The following CSGALNACT1 variants were observed in gnomAD, a reference collection of about 807,000 sequenced individuals.
CSGALNACT1 encodes beta4GalNAcT-1.
In CSGALNACT1, 52 loss-of-function variants were observed where a neutral mutation model predicts 51.0. The observed-to-expected ratio is 1.02, with a 90% CI of 0.82 to 1.29. The LOEUF (loss-of-function observed/expected upper bound fraction) is 1.29. CSGALNACT1 is among the 50% of genes most tolerant of loss of function. The probability of loss-of-function intolerance (pLI) is 0.00; values close to 1 mark genes in which losing one functional copy is unlikely to be tolerated. For synonymous variants in CSGALNACT1, 341 were observed against 254.4 expected (o/e 1.34, Z -3.24); for missense variants, 935 against 679.2 (o/e 1.38, Z -4.19).
chr8:19,734,739 T>C (rs1312904840), intron 1 of CSGALNACT1, among the ~76,000 whole-genome samples: 1 of 152,092 alleles, frequency 6.6e-6, no homozygotes, highest in Non-Finnish European at 1.5e-5. Flanking sequence ...TTGCCAGTAA[T>C]ATGGCAGACC....
intron 3 of CSGALNACT1, among the ~76,000 whole-genome samples, chr8:19,536,871 C>T (rs908873170): frequency 6.6e-6 from 1 of 152,228 alleles, no homozygotes; most frequent in Non-Finnish European, 1.5e-5. Flanking sequence ...CTACGTCCAA[C>T]TGCTTTTTCA....
At chr8:19,623,525 C>A (rs185555509) in intron 1 of CSGALNACT1, among the ~76,000 whole-genome samples, 1 of 152,172 alleles carries the variant, frequency 6.6e-6, no homozygotes, top group East Asian at 1.9e-4. Flanking sequence ...TATCCACCAA[C>A]TGTAGAATGT....
intron 3 of CSGALNACT1, among the ~76,000 whole-genome samples, chr8:19,533,324 G>C (rs532199485): frequency 6.6e-6 from 1 of 152,016 alleles, no homozygotes; most frequent in Non-Finnish European, 1.5e-5. Flanking sequence ...GTCTTGCTAT[G>C]TTGCCCAGGC....
upstream of CSGALNACT1, among the ~76,000 whole-genome samples, chr8:19,606,927 G>A (rs1425293264): frequency 4.6e-5 from 7 of 152,074 alleles, no homozygotes; most frequent in East Asian, 1.9e-4. Context: ...AGGCGGAGAC[G>A]GGTGGATCAC....
chr8:19,675,639 C>T (rs1339452881), intron 1 of CSGALNACT1, among the ~76,000 whole-genome samples: 7 of 152,110 alleles, frequency 4.6e-5, no homozygotes, highest in Middle Eastern at 3.2e-3. Context: ...ATTACAGGCA[C>T]GTGCCACCAC....
chr8:19,679,548 G>C (rs142439338), intron 1 of CSGALNACT1, among the ~76,000 whole-genome samples: 1 of 152,144 alleles, frequency 6.6e-6, no homozygotes, highest in Non-Finnish European at 1.5e-5. Context: ...AGGTACTGAC[G>C]CAGGATGCTG....
At chr8:19,435,745 A>C (rs574164023) in intron 6 of CSGALNACT1, among the ~76,000 whole-genome samples, 1 of 152,336 alleles carries the variant, frequency 6.6e-6, no homozygotes, top group South Asian at 2.1e-4. Flanking sequence ...ATCTGAGATT[A>C]ACTGAAGCTT....
At chr8:19,545,541 T>C (rs2086264569) in intron 3 of CSGALNACT1, among the ~76,000 whole-genome samples, 1 of 152,134 alleles carries the variant, frequency 6.6e-6, no homozygotes, top group Non-Finnish European at 1.5e-5. Flanking sequence ...AAAGACTCTG[T>C]CTTACATTTT....
At chr8:19,688,895 C>T (rs1019318859) in intron 1 of CSGALNACT1, 3 of 152,284 alleles carry the variant, frequency 2.0e-5, no homozygotes, top group African/African-American at 7.2e-5. Flanking sequence ...GCTCAGGACT[C>T]GCCTAACTGG....
chr8:19,472,378 T>A (rs139026937), intron 4 of CSGALNACT1, among the ~76,000 whole-genome samples: 8 of 152,224 alleles, frequency 5.3e-5, no homozygotes, highest in Non-Finnish European at 8.8e-5. Flanking sequence ...TGGCCAACCA[T>A]TGACCTCGTC....
intron 1 of CSGALNACT1, among the ~76,000 whole-genome samples, chr8:19,724,664 G>T (rs2063298566): frequency 6.6e-6 from 1 of 152,334 alleles, no homozygotes; most frequent in South Asian, 2.1e-4. Context: ...GCCTGCTGTT[G>T]CACCCTCAGC....
At chr8:19,601,395 AGTATTCTGTCCCAATTTCC>A (rs1259112964) in intron 2 of CSGALNACT1, among the ~76,000 whole-genome samples, 1 of 152,240 alleles carries the variant, frequency 6.6e-6, no homozygotes, top group Non-Finnish European at 1.5e-5. Flanking sequence ...TAAAAAGCTC[AGTATTCTGTCCCAATTTCC>A]AATGGGAGAA....
At chr8:19,560,217 T>C (rs76737720) in intron 3 of CSGALNACT1, among the ~76,000 whole-genome samples, 4,674 of 152,292 alleles carry the variant, frequency 0.031, 245 homozygotes, top group African/African-American at 0.11. Context: ...TTTCAATCTT[T>C]ACCTCACACC....
chr8:19,441,519 T>C (rs2061331888), intron 5 of CSGALNACT1, among the ~76,000 whole-genome samples: 2 of 152,192 alleles, frequency 1.3e-5, no homozygotes, highest in South Asian at 4.1e-4. Context: ...TAGCCATATG[T>C]AGAAAGCTGA....
chr8:19,684,117 G>T (rs2060829920), upstream of CSGALNACT1, among the ~76,000 whole-genome samples: 1 of 152,062 alleles, frequency 6.6e-6, no homozygotes, highest in Admixed American at 6.5e-5. Context: ...AGGGAGCAGA[G>T]ATAGTGCCAT....
rs1215787412 is a variant in CSGALNACT1 at position 19,548,478 on chromosome 8, G to T, written c.-296-42348C>A. ...GTATTATTTTTAAAAAATATTTTGT[G>T]AAATGCATTATTCACATGAAACTAA... On this transcript the variant is annotated intron_variant, in intron 3 of 9. Coordinates refer to ENST00000454498, the Ensembl canonical transcript of CSGALNACT1. Among the ~76,000 whole-genome samples, 7 of 152,044 alleles carry T rather than the reference G, an allele frequency of 4.6e-5. No individual in the cohort carries two copies. In the South Asian group the frequency reaches 1.5e-3, roughly 32 times the overall value.
chr8:19,446,540 G>A (rs1471514336), intron 5 of CSGALNACT1, among the ~76,000 whole-genome samples: 1 of 152,002 alleles, frequency 6.6e-6, no homozygotes, highest in Admixed American at 6.6e-5. Flanking sequence ...TTCAGTTACT[G>A]AGAGAGAGTC....
intron 4 of CSGALNACT1, among the ~76,000 whole-genome samples, chr8:19,494,329 T>C (rs571384285): frequency 6.6e-6 from 1 of 152,240 alleles, no homozygotes; most frequent in African/African-American, 2.4e-5. Context: ...ATCTTTGGCC[T>C]ACACCAATTC....
At chr8:19,411,933 C>G (rs759373192) in intron 8 of CSGALNACT1, among the ~76,000 whole-genome samples, 13 of 151,446 alleles carry the variant, frequency 8.6e-5, no homozygotes, top group Non-Finnish European at 1.5e-4. Flanking sequence ...TGGGTTCAAG[C>G]AATTCTCGTG....
Sources: gnomAD v4.1 joint callset for allele counts (sites outside exome capture counted in the v4.1 genomes callset) on GRCh38, gnomAD v4.1.1 for gene constraint, MANE v1.5 for transcripts, NCBI Gene and HGNC (gene_info 2026-07-23, HGNC 2026-07-21) for gene names.